Variants in ELF2 observed in about 807,000 individuals in gnomAD.
The protein encoded by ELF2 is ETS-related transcription factor Elf-2.
Under a neutral mutation model 54.8 loss-of-function variants are expected in ELF2, and 11 were observed. The observed-to-expected ratio is 0.20, with a 90% confidence interval of 0.13 to 0.33. The LOEUF is 0.33. ELF2 is among the 10% of genes least tolerant of loss of function. The pLI is 1.00. For missense variants in ELF2, 513 were observed against 703.0 expected, an observed-to-expected ratio of 0.73 and a Z score of 3.06; for synonymous variants, 203 against 245.1, an observed-to-expected ratio of 0.83 and a Z score of 1.61.
At chr4:139,170,866 C>G (rs1475715606) in intron 1 of ELF2, among the ~76,000 whole-genome samples, 1 of 151,962 alleles carries the variant, frequency 6.6e-6, no homozygotes, top group East Asian at 1.9e-4. Context: ...CTACCTCAGC[C>G]TTCTGAGTAG....
At chr4:139,098,892 TTAATA>T (rs1479924254) in intron 4 of ELF2, among the ~76,000 whole-genome samples, 11 of 152,256 alleles carry the variant, frequency 7.2e-5, no homozygotes, top group Admixed American at 1.3e-4. Flanking sequence ...ATAGATAACT[TTAATA>T]TAATTTCTGA....
intron 3 of ELF2, among the ~76,000 whole-genome samples, chr4:139,128,404 G>A (rs958799137): frequency 2.4e-4 from 37 of 151,966 alleles, no homozygotes; most frequent in Non-Finnish European, 2.6e-4. Flanking sequence ...CTGATCGATC[G>A]AGACGTATAC....
chr4:139,114,559 T>TCTCACACACACACACACACA (rs1735341739), intron 4 of ELF2, among the ~76,000 whole-genome samples: 2 of 27,570 alleles, frequency 7.3e-5, no homozygotes, highest in Non-Finnish European at 1.6e-4. Flanking sequence ...GAGACTTCAG[T>TCTCACACACACACACACACA]CTCACACACA....
intron 4 of ELF2, among the ~76,000 whole-genome samples, chr4:139,086,842 G>C (rs1337953222): frequency 6.6e-6 from 1 of 152,124 alleles, no homozygotes; most frequent in Non-Finnish European, 1.5e-5. Context: ...AATTATAAAA[G>C]CCTTCATAAG....
chr4:139,149,440 C>G (rs1374456433), intron 1 of ELF2, among the ~76,000 whole-genome samples: 3 of 151,828 alleles, frequency 2.0e-5, no homozygotes, highest in Non-Finnish European at 4.4e-5. Context: ...TGAAACCCCA[C>G]CTCCACTAAA....
chr4:139,104,214 T>C (rs548583531), intron 4 of ELF2, among the ~76,000 whole-genome samples: 2 of 152,068 alleles, frequency 1.3e-5, no homozygotes, highest in East Asian at 3.9e-4. Context: ...ATGAAAAAAA[T>C]ATACAGGAAT....
At chr4:139,173,644 G>A (rs1742571148) in intron 1 of ELF2, among the ~76,000 whole-genome samples, 1 of 151,382 alleles carries the variant, frequency 6.6e-6, no homozygotes, top group South Asian at 2.1e-4. Flanking sequence ...CGTAGTCCCA[G>A]CTACTTGGGA....
At chr4:139,147,362 C>A (rs533215242) in intron 1 of ELF2, among the ~76,000 whole-genome samples, 1 of 152,280 alleles carries the variant, frequency 6.6e-6, no homozygotes, top group East Asian at 1.9e-4. Context: ...GCAAGAATGG[C>A]CATTATTAAG....
chr4:139,166,668 A>G (rs1741757567), intron 1 of ELF2, among the ~76,000 whole-genome samples: 1 of 152,178 alleles, frequency 6.6e-6, no homozygotes, highest in South Asian at 2.1e-4. Context: ...GGAGATCGAG[A>G]CCATCCTGGC....
intron 1 of ELF2, among the ~76,000 whole-genome samples, chr4:139,174,925 C>A (rs1051238104): frequency 3.9e-5 from 6 of 152,190 alleles, no homozygotes; most frequent in African/African-American, 1.4e-4. Context: ...AGCAACTATG[C>A]CATTTTATTT....
At chr4:139,089,775 T>C (rs1732386113) in intron 4 of ELF2, among the ~76,000 whole-genome samples, 1 of 152,232 alleles carries the variant, frequency 6.6e-6, no homozygotes, top group Admixed American at 6.5e-5. Flanking sequence ...AAGTTATTCA[T>C]CACATTATCT....
chr4:139,175,697 A>G (rs1439586228), intron 1 of ELF2, among the ~76,000 whole-genome samples: 3 of 152,242 alleles, frequency 2.0e-5, no homozygotes, highest in Admixed American at 6.5e-5. Flanking sequence ...AACAAATCTG[A>G]TTATCAAACA....
chr4:139,081,560 G>T lies in ELF2; in HGVS notation c.239-7993C>A, dbSNP rs6857539. ...TTATACATTATATAGATTTTCACCT[G>T]TCTCCCCAGACTGTAAAATCTTTGT... On this transcript the variant is annotated intron_variant, in intron 4 of 9. Coordinates refer to ENST00000686138, the MANE Select transcript of ELF2 (RefSeq NM_001331036.3). 9.8e-3 allele frequency among the ~76,000 whole-genome samples: 1,485 copies of T among 152,208 alleles called. 24 individuals are homozygous for T. The highest frequency in any genetic ancestry group is 0.034 in the African/African-American group (1,426 of 41,536).
At chr4:139,138,660 T>C (rs1050313286) in intron 2 of ELF2, among the ~76,000 whole-genome samples, 6 of 152,364 alleles carry the variant, frequency 3.9e-5, no homozygotes, top group South Asian at 2.1e-4. Context: ...CTTTTGCTTA[T>C]GGCAGCAATC....
At chr4:139,151,076 GAAAGAAAGAAAGAAAGAAAA>G (rs1739923271) in intron 1 of ELF2, among the ~76,000 whole-genome samples, 2 of 137,868 alleles carry the variant, frequency 1.5e-5, no homozygotes, top group Admixed American at 1.5e-4. Context: ...AAGAAAGAAA[GAAAGAAAGAAAGAAAGAAAA>G]AGAGAGCTAT....
At position 139,129,000 on chromosome 4, in the gene ELF2, G is replaced by C. The variant is rs543179073; in HGVS notation, c.73-3671C>G. The stretch of plus-strand genomic sequence containing the variant: ...GTTGCCCAGGCTGGAGTGCAATGGC[G>C]CAATCTTGACACACCGCAACCTCTG... On this transcript the variant is annotated intron_variant, in intron 3 of 9. Transcript: ENST00000686138. 6.7e-5 allele frequency among the ~76,000 whole-genome samples: 10 copies of C among 150,050 alleles called. No homozygotes were observed. In the East Asian group the frequency reaches 1.8e-3, roughly 27 times the overall value.
At chr4:139,071,522 TGTGTTTTTTTAA>T (rs1729509668) in intron 6 of ELF2, among the ~76,000 whole-genome samples, 1 of 151,952 alleles carries the variant, frequency 6.6e-6, no homozygotes, top group Non-Finnish European at 1.5e-5. Context: ...CGTGTGTGTG[TGTGTTTTTTTAA>T]GTAACCAAGT....
At chr4:139,120,865 C>T (rs1441062319) in intron 4 of ELF2, among the ~76,000 whole-genome samples, 2 of 152,142 alleles carry the variant, frequency 1.3e-5, no homozygotes, top group African/African-American at 4.8e-5. Context: ...ATCTTCTGAA[C>T]AAGTATTGAA....
intron 1 of ELF2, among the ~76,000 whole-genome samples, chr4:139,141,132 G>A (rs1206023365): frequency 6.6e-6 from 1 of 152,004 alleles, no homozygotes; most frequent in East Asian, 1.9e-4. Flanking sequence ...ATTTTCAAGG[G>A]GCCTGGGACA....
Sources: gnomAD v4.1 joint callset for allele counts (sites outside exome capture counted in the v4.1 genomes callset) on GRCh38, gnomAD v4.1.1 for gene constraint, MANE v1.5 for transcripts, NCBI Gene and HGNC (gene_info 2026-07-23, HGNC 2026-07-21) for gene names.